The following IL1RAPL1 variants were observed in gnomAD, a reference collection of about 807,000 sequenced individuals.
IL1RAPL1 encodes interleukin 1 receptor accessory protein like 1.
In IL1RAPL1, 3 loss-of-function variants were observed where a neutral mutation model predicts 48.4. That is an observed-to-expected ratio of 0.06 (90% confidence interval 0.03 to 0.16). The LOEUF is 0.16. Ranked by LOEUF, IL1RAPL1 falls within the 10% of genes least tolerant of loss-of-function variation. The pLI is 1.00. For synonymous variants in IL1RAPL1, 185 were observed against 187.7 expected, an observed-to-expected ratio of 0.99 and a Z score of 0.12; for missense variants, 349 against 530.6, an observed-to-expected ratio of 0.66 and a Z score of 3.36.
At chrX:29,466,283 C>G (rs768796255) in intron 5 of IL1RAPL1, among the ~76,000 whole-genome samples, 1 of 111,584 alleles carries the variant, frequency 9.0e-6, no homozygotes, top group South Asian at 3.8e-4. Context: ...TTCTTATTGT[C>G]CCCCAGCTGC....
chrX:28,869,181 A>G (rs1243100906), intron 2 of IL1RAPL1, among the ~76,000 whole-genome samples: 1 of 112,072 alleles, frequency 8.9e-6, no homozygotes, highest in Non-Finnish European at 1.9e-5. Context: ...CATTTTGCCT[A>G]GTGTTATTTT....
chrX:28,768,822 G>GTA (rs1215469886), intron 1 of IL1RAPL1, among the ~76,000 whole-genome samples: 1 of 52,801 alleles, frequency 1.9e-5, no homozygotes, highest in African/African-American at 8.0e-5. Context: ...TAATGTGTGT[G>GTA]TGTATATATA....
chrX:29,766,701 T>TATA (rs1928922570), intron 6 of IL1RAPL1, among the ~76,000 whole-genome samples: 1 of 93,185 alleles, frequency 1.1e-5, no homozygotes, highest in African/African-American at 4.3e-5. Flanking sequence ...TATTAATATA[T>TATA]AATATATAAT....
chrX:28,723,707 T>C (rs1202954018), intron 1 of IL1RAPL1, among the ~76,000 whole-genome samples: 2 of 112,116 alleles, frequency 1.8e-5, no homozygotes, highest in African/African-American at 6.5e-5. Flanking sequence ...TTTAGATCTT[T>C]CCTGCTTTCT....
intron 6 of IL1RAPL1, among the ~76,000 whole-genome samples, chrX:29,913,957 G>C (rs917753305): frequency 8.9e-6 from 1 of 111,860 alleles, no homozygotes; most frequent in African/African-American, 3.3e-5. Context: ...AAAGCTCCCA[G>C]GCTTTTTCTC....
chrX:29,884,725 T>C (rs1189364780), intron 6 of IL1RAPL1, among the ~76,000 whole-genome samples: 1 of 111,786 alleles, frequency 8.9e-6, no homozygotes. Context: ...TCCTGATCTT[T>C]TCCTGCGGAC....
At chrX:29,879,594 C>T (rs113302272) in intron 6 of IL1RAPL1, among the ~76,000 whole-genome samples, 6,667 of 108,911 alleles carry the variant, frequency 0.061, 508 homozygotes, top group African/African-American at 0.21. Flanking sequence ...ACTCAAGAAA[C>T]GTTATCATCT....
Position 29,528,232 on chromosome X carries a change from CA to C in IL1RAPL1, c.703+128928del, listed in dbSNP as rs76217898. Among the ~76,000 whole-genome samples the C allele has an allele frequency of 9.6e-4, 108 of 112,192 alleles. No homozygotes were observed. The East Asian group carries it at 0.026, about 27-fold the overall frequency. On this transcript the variant is annotated intron_variant, in intron 5 of 10. Transcript: ENST00000378993. ...TTCATTGCAGCATTATTTGTAATTG[CA>C]AAATATTGGAAACTACGTAATAGTC...
chrX:29,367,440 C>G (rs894737077), intron 3 of IL1RAPL1, among the ~76,000 whole-genome samples: 2 of 111,412 alleles, frequency 1.8e-5, no homozygotes, highest in African/African-American at 3.3e-5. Flanking sequence ...TCCAAATCAT[C>G]CCACAATTAC....
intron 1 of IL1RAPL1, among the ~76,000 whole-genome samples, chrX:28,773,765 C>G (rs1014003601): frequency 8.9e-6 from 1 of 111,787 alleles, no homozygotes; most frequent in African/African-American, 3.3e-5. Flanking sequence ...ACAAATATAG[C>G]TTTTTTCACA....
chrX:28,813,314 A>T (rs1936816405), intron 2 of IL1RAPL1, among the ~76,000 whole-genome samples: 2 of 111,384 alleles, frequency 1.8e-5, no homozygotes, highest in African/African-American at 6.5e-5. Context: ...GAAATGTGTT[A>T]TTTAATTGCA....
At chrX:29,913,870 C>T (rs1297708236) in intron 6 of IL1RAPL1, among the ~76,000 whole-genome samples, 1 of 111,206 alleles carries the variant, frequency 9.0e-6, no homozygotes, top group Non-Finnish European at 1.9e-5. Flanking sequence ...AGGGTCCATT[C>T]GTCTCCTAAT....
At chrX:28,991,814 C>T (rs1925610665) in intron 2 of IL1RAPL1, among the ~76,000 whole-genome samples, 1 of 112,109 alleles carries the variant, frequency 8.9e-6, no homozygotes, top group Non-Finnish European at 1.9e-5. Flanking sequence ...CCATATTATG[C>T]ACAGGTAGCG....
chrX:28,961,661 C>T (rs1924781775), intron 2 of IL1RAPL1, among the ~76,000 whole-genome samples: 1 of 111,182 alleles, frequency 9.0e-6, no homozygotes, highest in African/African-American at 3.3e-5. Context: ...CATCCATGTC[C>T]CTGCAAAGGA....
intron 5 of IL1RAPL1, among the ~76,000 whole-genome samples, chrX:29,587,777 G>C (rs1156656531): frequency 8.9e-6 from 1 of 112,119 alleles, no homozygotes; most frequent in Non-Finnish European, 1.9e-5. Flanking sequence ...GTTCCAAATG[G>C]ATACGTGATA....
chrX:29,445,278 C>T (rs892854018), intron 5 of IL1RAPL1, among the ~76,000 whole-genome samples: 1 of 111,971 alleles, frequency 8.9e-6, no homozygotes, highest in Non-Finnish European at 1.9e-5. Context: ...TACTTCTTTC[C>T]ATGCACTAAA....
intron 6 of IL1RAPL1, among the ~76,000 whole-genome samples, chrX:29,904,961 A>G (rs991391582): frequency 2.7e-5 from 3 of 111,826 alleles, no homozygotes; most frequent in African/African-American, 9.8e-5. Flanking sequence ...GTCTTCCACA[A>G]TGGTTGAACT....
chrX:28,849,434 G>A (rs944739164), intron 2 of IL1RAPL1, among the ~76,000 whole-genome samples: 1 of 111,711 alleles, frequency 9.0e-6, no homozygotes, highest in Admixed American at 9.5e-5. Context: ...TGGGTCTGAT[G>A]TTCTTCTTCC....
intron 2 of IL1RAPL1, among the ~76,000 whole-genome samples, chrX:28,966,661 T>C (rs907962441): frequency 1.8e-5 from 2 of 111,869 alleles, no homozygotes; most frequent in African/African-American, 6.5e-5. Flanking sequence ...CCAAAAGTTA[T>C]CTTTATACAG....
Sources: gnomAD v4.1 joint callset for allele counts (sites outside exome capture counted in the v4.1 genomes callset) on GRCh38, gnomAD v4.1.1 for gene constraint, MANE v1.5 for transcripts, NCBI Gene and HGNC (gene_info 2026-07-23, HGNC 2026-07-21) for gene names.